Variants in PITPNC1 observed in about 807,000 individuals in gnomAD.
PITPNC1 encodes cytoplasmic phosphatidylinositol transfer protein 1.
Under a neutral mutation model 44.7 loss-of-function variants are expected in PITPNC1, and 18 were observed. That is an observed-to-expected ratio of 0.40 (90% confidence interval 0.28 to 0.60). The LOEUF is 0.60. PITPNC1 is among the 20% of genes least tolerant of loss of function. PITPNC1 has a pLI of 0.39. For synonymous variants in PITPNC1, 141 were observed against 149.6 expected, an observed-to-expected ratio of 0.94 and a Z score of 0.42; for missense variants, 290 against 418.4, an observed-to-expected ratio of 0.69 and a Z score of 2.68.
rs1334335295 is a variant in PITPNC1, at chr17:67,669,617, T to G, written c.572T>G (p.Phe191Cys). The G allele has an allele frequency of 6.2e-7, 1 of 1,604,196 alleles. No individual in the cohort carries two copies. The highest frequency in any genetic ancestry group is 1.7e-5 in the Admixed American group (1 of 58,512). Residue 191 changes from phenylalanine to cysteine, a missense_variant, in exon 7 of 9, where the codon TTT becomes TGT. By Grantham distance (205) the Phe-to-Cys change is radical. Transcript: ENST00000581322. ...MCSYKLVTVK[F>C]EVWGLQTRVE... is the part of the protein sequence containing the mutation. ...TCCTACAAGCTGGTGACTGTGAAGT[T>G]TGAGGTCTGGGGGCTTCAGACCAGA... is the stretch of plus-strand genomic sequence containing the variant.
chr17:67,498,026 A>G (rs1054163075), intron 1 of PITPNC1, among the ~76,000 whole-genome samples: 2 of 150,696 alleles, frequency 1.3e-5, no homozygotes, highest in Admixed American at 1.3e-4. Context: ...AGGCCTGGCT[A>G]ATTTTTTGTA....
chr17:67,380,258 A>G (rs527885351), intron 1 of PITPNC1, among the ~76,000 whole-genome samples: 6 of 152,016 alleles, frequency 3.9e-5, no homozygotes, highest in Non-Finnish European at 8.8e-5. Flanking sequence ...TATTTTTAGT[A>G]GAGACGGGGT....
intron 5 of PITPNC1, among the ~76,000 whole-genome samples, chr17:67,618,755 AAAAAAT>A (rs1367978225): frequency 6.6e-6 from 1 of 151,640 alleles, no homozygotes; most frequent in Non-Finnish European, 1.5e-5. Flanking sequence ...CCGTCTCAGA[AAAAAAT>A]AAAAATAAAA....
rs541857080 is a variant in PITPNC1 at position 67,480,571 on chromosome 17, A to G, written c.49-52231A>G. On this transcript the variant is annotated intron_variant, in intron 1 of 8. Transcript: ENST00000581322. ...GATCTGGAAAAATGTCAACATATTAAATAAAAGATGATATTAAGTGAGAGA... is the reference window on the plus strand; with the variant it reads ...GATCTGGAAAAATGTCAACATATTAGATAAAAGATGATATTAAGTGAGAGA... 4.7e-4 allele frequency among the ~76,000 whole-genome samples: 72 copies of G among 152,344 alleles called. 1 individual carries two copies. The highest frequency in any genetic ancestry group is 2.1e-3 in the Admixed American group (32 of 15,300).
At chr17:67,682,475 TA>T (rs2144442486) in intron 8 of PITPNC1, among the ~76,000 whole-genome samples, 1 of 152,134 alleles carries the variant, frequency 6.6e-6, no homozygotes, top group East Asian at 1.9e-4. Context: ...CGCCCTGAGA[TA>T]AGAGTCTGGG....
chr17:67,623,532 A>G (rs2706673), intron 5 of PITPNC1, among the ~76,000 whole-genome samples: 14,810 of 152,078 alleles, frequency 0.097, 735 homozygotes, highest in South Asian at 0.14. Flanking sequence ...CTACAGGCAT[A>G]CGCCACCATG....
At chr17:67,624,487 C>T (rs1038935141) in intron 5 of PITPNC1, among the ~76,000 whole-genome samples, 32 of 152,120 alleles carry the variant, frequency 2.1e-4, no homozygotes, top group Admixed American at 3.9e-4. Context: ...GTGTGAGCCA[C>T]TGTGCCTTGC....
At chr17:67,422,119 A>G (rs945141825) in intron 1 of PITPNC1, among the ~76,000 whole-genome samples, 2 of 152,188 alleles carry the variant, frequency 1.3e-5, no homozygotes, top group Non-Finnish European at 2.9e-5. Flanking sequence ...CTTAAACCAC[A>G]TCATCTGAAA....
intron 1 of PITPNC1, among the ~76,000 whole-genome samples, chr17:67,459,120 T>C (rs1225852056): frequency 3.4e-5 from 5 of 145,100 alleles, no homozygotes; most frequent in South Asian, 2.2e-4. Context: ...TTTCTTTTTT[T>C]TTTTTTTTTT....
rs571109000 is a variant in PITPNC1, at chr17:67,396,643, T to C, written c.48+18441T>C. 2.6e-5 allele frequency among the ~76,000 whole-genome samples: 4 copies of C among 152,070 alleles called. No homozygotes were observed. The South Asian group carries it at 6.2e-4, about 24-fold the overall frequency. On this transcript the variant is annotated intron_variant, in intron 1 of 8. Transcript: ENST00000581322. ...CCTCGGCCTCCCAAAGTGCTGTGAT[T>C]ACAGGCGTGAGCCACCACACCTGGC...
At chr17:67,605,920 A>G (rs2144282469) in intron 5 of PITPNC1, among the ~76,000 whole-genome samples, 1 of 152,354 alleles carries the variant, frequency 6.6e-6, no homozygotes, top group East Asian at 1.9e-4. Context: ...CAGTTTGCAG[A>G]TGAGGGAACT....
intron 2 of PITPNC1, among the ~76,000 whole-genome samples, chr17:67,543,802 T>C (rs1272856774): frequency 1.3e-5 from 2 of 152,234 alleles, no homozygotes; most frequent in Non-Finnish European, 2.9e-5. Context: ...CTAATATATT[T>C]GGTATATGAG....
At chr17:67,396,735 G>GCT (rs2038225774) in intron 1 of PITPNC1, among the ~76,000 whole-genome samples, 1 of 152,010 alleles carries the variant, frequency 6.6e-6, no homozygotes, top group African/African-American at 2.4e-5. Context: ...TGCAATCACT[G>GCT]CTCGCTGCAG....
At chr17:67,629,238 C>CTGTGTGTGTGTGTG (rs71139164) in intron 5 of PITPNC1, among the ~76,000 whole-genome samples, 2,599 of 131,262 alleles carry the variant, frequency 0.02, 46 homozygotes, top group Middle Eastern at 0.05. Context: ...CTGGGGTATT[C>CTGTGTGTGTGTGTG]TGTGTGTGTG....
chr17:67,686,979 C>A, intron 8 of PITPNC1: 1 of 764,980 alleles, frequency 1.3e-6, no homozygotes, highest in South Asian at 1.6e-5. Context: ...TCCTTGGCTA[C>A]TGCTCAGCTA....
intron 1 of PITPNC1, among the ~76,000 whole-genome samples, chr17:67,487,588 A>G (rs540899380): frequency 6.6e-6 from 1 of 152,278 alleles, no homozygotes; most frequent in South Asian, 2.1e-4. Context: ...CCCAAGTGAA[A>G]GGTGTTTAAT....
At chr17:67,535,488 A>G (rs1414827915) in intron 2 of PITPNC1, among the ~76,000 whole-genome samples, 7 of 152,230 alleles carry the variant, frequency 4.6e-5, no homozygotes, top group Non-Finnish European at 7.3e-5. Context: ...AATTTTAGGA[A>G]CTTTGTAAGT....
chr17:67,473,907 AC>A (rs557560514), intron 1 of PITPNC1, among the ~76,000 whole-genome samples: 20 of 152,310 alleles, frequency 1.3e-4, no homozygotes, highest in African/African-American at 4.1e-4. Context: ...TGCCTTTATT[AC>A]ATGGAATTCT....
chr17:67,633,363 C>T (rs2041994073), intron 6 of PITPNC1, among the ~76,000 whole-genome samples: 1 of 152,192 alleles, frequency 6.6e-6, no homozygotes, highest in Non-Finnish European at 1.5e-5. Context: ...AACCAGGCTC[C>T]CGACGTGGTT....
Sources: allele counts gnomAD v4.1 joint callset (sites outside exome capture counted in the v4.1 genomes callset), GRCh38; gene constraint gnomAD v4.1.1; transcripts MANE v1.5; gene names NCBI Gene and HGNC (gene_info 2026-07-23, HGNC 2026-07-21).